The following GPHN variants were observed in gnomAD, a reference collection of about 807,000 sequenced individuals.
GPHN encodes the protein gephyrin.
In GPHN, 17 loss-of-function variants were observed where a neutral mutation model predicts 95.5. That is an observed-to-expected ratio of 0.18 (90% CI 0.12 to 0.27). The LOEUF is 0.27. Among genes scored for constraint, GPHN ranks in the 10% least tolerant of loss-of-function variants. GPHN has a pLI of 1.00. For synonymous variants in GPHN, 320 were observed against 322.5 expected, an observed-to-expected ratio of 0.99 and a Z score of 0.08; for missense variants, 660 against 978.1, an observed-to-expected ratio of 0.67 and a Z score of 4.34.
chr14:67,514,075 G>A, the GPHN span, among the ~76,000 whole-genome samples: 1 of 152,182 alleles, frequency 6.6e-6, no homozygotes, highest in African/African-American at 2.4e-5. Context: ...TTACTAGGGT[G>A]CTGAGAACAC....
the GPHN span, chr14:67,587,064 C>T: frequency 5.9e-5 from 94 of 1,582,514 alleles, no homozygotes; most frequent in Non-Finnish European, 7.9e-5. Flanking sequence ...CATCTCTGAC[C>T]TCCTCTTAGA....
rs200485225 is a variant in GPHN at position 66,915,991 on chromosome 14, C to T, written c.390-12C>T. The T allele has an allele frequency of 2.0e-6, 3 of 1,537,516 alleles. No individual in the cohort carries two copies. The highest frequency in any genetic ancestry group is 2.7e-5 in the African/African-American group (2 of 73,568). On this transcript the variant is annotated splice_polypyrimidine_tract_variant and intron_variant, in intron 5 of 22. Coordinates refer to ENST00000478722, the MANE Select transcript of GPHN (RefSeq NM_020806.5). ...GCAATTTAGTGTTCATCTACTTTCT[C>T]TTTTCTTTCAGGCCTGTATGTGGAA...
At chr14:66,950,335 C>T (rs1596479447) in intron 8 of GPHN, among the ~76,000 whole-genome samples, 1 of 152,214 alleles carries the variant, frequency 6.6e-6, no homozygotes. Flanking sequence ...CATGGCAAGC[C>T]TTTGGTTCAT....
At chr14:67,512,129 A>T in the GPHN span, among the ~76,000 whole-genome samples, 1 of 152,198 alleles carries the variant, frequency 6.6e-6, no homozygotes, top group South Asian at 2.1e-4. Flanking sequence ...TTGATTTTAA[A>T]TGCTCTTAAA....
rs778049388 is a variant in GPHN, at chr14:67,111,924, C to G, written c.1472+5C>G. ...TCGGCCAGGCCAAGATATCAGGTAA[C>G]TTCAAAACACATAGAATATATAGCC... is the stretch of plus-strand genomic sequence containing the variant. On this transcript the variant is annotated splice_donor_5th_base_variant and intron_variant, in intron 15 of 22. Coordinates refer to ENST00000478722, the MANE Select transcript of GPHN (RefSeq NM_020806.5). 2 of 1,604,484 alleles carry G rather than the reference C, an allele frequency of 1.2e-6. No individual in the cohort carries two copies. The highest frequency in any genetic ancestry group is 4.5e-5 in the East Asian group (2 of 44,834).
intron 10 of GPHN, among the ~76,000 whole-genome samples, chr14:67,025,083 G>A (rs941273572): frequency 9.9e-5 from 15 of 152,182 alleles, no homozygotes; most frequent in East Asian, 1.9e-4. Context: ...GATAAGTCTC[G>A]CATTAGATTG....
intron 8 of GPHN, among the ~76,000 whole-genome samples, chr14:66,932,514 G>A (rs990738363): frequency 4.4e-5 from 6 of 136,604 alleles, no homozygotes; most frequent in Non-Finnish European, 9.1e-5. Context: ...CCCAAGGTGG[G>A]TTTAGAAATG....
At chr14:67,645,463 A>T in the GPHN span, among the ~76,000 whole-genome samples, 27 of 152,164 alleles carry the variant, frequency 1.8e-4, no homozygotes, top group Non-Finnish European at 7.3e-5. Context: ...CTAGGGCTTT[A>T]TCACTCAAGA....
the GPHN span, chr14:67,387,392 G>GT: frequency 6.2e-7 from 1 of 1,611,082 alleles, no homozygotes; most frequent in Non-Finnish European, 8.5e-7. Context: ...TGGCCTGAAT[G>GT]TAATAGTGTG....
At chr14:66,537,292 A>G (rs1431204091) in intron 1 of GPHN, among the ~76,000 whole-genome samples, 1 of 151,420 alleles carries the variant, frequency 6.6e-6, no homozygotes, top group African/African-American at 2.4e-5. Flanking sequence ...TTTCTTTTCT[A>G]TTTGTCCCAT....
At chr14:66,642,964 C>A (rs189257281) in intron 1 of GPHN, among the ~76,000 whole-genome samples, 1 of 151,880 alleles carries the variant, frequency 6.6e-6, no homozygotes, top group African/African-American at 2.4e-5. Context: ...AAAATTGATA[C>A]ATTGGATCAC....
At chr14:67,131,971 TAAG>T (rs1178147463) in intron 17 of GPHN, among the ~76,000 whole-genome samples, 1 of 152,098 alleles carries the variant, frequency 6.6e-6, no homozygotes, top group Non-Finnish European at 1.5e-5. Flanking sequence ...TTCCCATCAT[TAAG>T]AAGATTTCCC....
intron 1 of GPHN, among the ~76,000 whole-genome samples, chr14:66,609,127 T>C (rs2062672632): frequency 6.6e-6 from 1 of 152,186 alleles, no homozygotes; most frequent in South Asian, 2.1e-4. Flanking sequence ...TACTGTTCTT[T>C]TACTTTCATG....
chr14:66,610,096 T>C (rs1377982073), intron 1 of GPHN, among the ~76,000 whole-genome samples: 3 of 152,174 alleles, frequency 2.0e-5, no homozygotes, highest in East Asian at 3.8e-4. Flanking sequence ...GTATACTCAA[T>C]TGGCTTCTTT....
intron 9 of GPHN, among the ~76,000 whole-genome samples, chr14:67,001,794 G>GGT (rs1766794231): frequency 1.3e-5 from 2 of 151,742 alleles, no homozygotes; most frequent in South Asian, 4.2e-4. Flanking sequence ...AGCAGCTCAT[G>GGT]GTCATATATT....
At chr14:67,611,428 GT>G in the GPHN span, among the ~76,000 whole-genome samples, 290 of 138,892 alleles carry the variant, frequency 2.1e-3, 1 homozygote, top group African/African-American at 7.3e-3. Flanking sequence ...TAATTTTTTG[GT>G]TTTTTTTTTG....
At chr14:67,640,980 A>G in the GPHN span, among the ~76,000 whole-genome samples, 1 of 152,170 alleles carries the variant, frequency 6.6e-6, no homozygotes, top group African/African-American at 2.4e-5. Context: ...AACACACTGT[A>G]TTAATGGTAT....
the GPHN span, among the ~76,000 whole-genome samples, chr14:67,255,338 C>T: frequency 1.3e-5 from 2 of 152,028 alleles, no homozygotes; most frequent in South Asian, 2.1e-4. Context: ...GAGTTATTTA[C>T]GTGATGAAAG....
chr14:67,014,036 T>TA (rs2073160412), intron 9 of GPHN, among the ~76,000 whole-genome samples: 1 of 152,182 alleles, frequency 6.6e-6, no homozygotes, highest in Middle Eastern at 3.4e-3. Context: ...CCTGTTCACA[T>TA]ACTCACCTAA....
Sources: gnomAD v4.1 joint callset for allele counts (sites outside exome capture counted in the v4.1 genomes callset) on GRCh38, gnomAD v4.1.1 for gene constraint, MANE v1.5 for transcripts, NCBI Gene and HGNC (gene_info 2026-07-23, HGNC 2026-07-21) for gene names.